The following TTYH1 variants were observed in gnomAD, a reference collection of about 807,000 sequenced individuals.
The protein encoded by TTYH1 is protein tweety homolog 1.
A neutral mutation model predicts 61.2 loss-of-function variants in TTYH1; 33 were observed. The ratio of observed to expected loss-of-function variants is 0.54; its 90% CI spans 0.41 to 0.72. TTYH1 has a LOEUF of 0.72. Ranked by LOEUF, TTYH1 falls within the 30% of genes least tolerant of loss-of-function variation. The pLI, the probability that TTYH1 is intolerant of heterozygous loss-of-function variation, is 0.00. For missense variants in TTYH1, 538 were observed against 575.8 expected, an observed-to-expected ratio of 0.93 and a Z score of 0.67; for synonymous variants, 308 against 266.4, an observed-to-expected ratio of 1.16 and a Z score of -1.52.
rs372543737 is a variant in TTYH1 at position 54,430,611 on chromosome 19, G to T, written c.939+6G>T. 6.2e-7 allele frequency: 1 copy of T among 1,613,798 alleles called. No individual in the cohort carries two copies. The highest frequency in any genetic ancestry group is 1.7e-5 in the Admixed American group (1 of 59,996). On this transcript the variant is annotated splice_donor_region_variant and intron_variant, in intron 8 of 13. Coordinates refer to ENST00000376530, the MANE Select transcript of TTYH1 (RefSeq NM_020659.4). The stretch of plus-strand genomic sequence containing the variant: ...TCTCCAACCCCTTCCAACAGGTTAG[G>T]GCTGCGGGCAGGGGAAACGGGTGTT...
At position 54,416,123 on chromosome 19, in the gene TTYH1, C is replaced by A. The variant is rs146083234; in HGVS notation, c.126+445C>A. ...GAGACAGCGGACCTGATAACGGTGG[C>A]GGGGAAAACGCTGGCTGCTGCGGTG... On this transcript the variant is annotated intron_variant, in intron 1 of 13. Transcript: ENST00000376530. The surrounding 1 kb of genome is among the most constrained non-coding windows in gnomAD (Gnocchi z 7.0). 3.5e-3 allele frequency: 4,380 copies of A among 1,263,566 alleles called. 48 individuals carry two copies. In the Middle Eastern group the frequency reaches 0.044, roughly 13 times the overall value. 78.3% of individuals were successfully genotyped at this position (1,263,566 alleles called of 1,614,324 possible).
intron 1 of TTYH1, among the ~76,000 whole-genome samples, chr19:54,417,269 G>T (rs971521888): frequency 2.7e-5 from 4 of 147,076 alleles, no homozygotes; most frequent in African/African-American, 1.0e-4. Context: ...GGCACACTCA[G>T]ACACACCCAC....
Position 54,430,495 on chromosome 19 carries a change from A to G in TTYH1, c.884-55A>G, listed in dbSNP as rs554668593. 8.8e-6 allele frequency: 14 copies of G among 1,588,816 alleles called. No homozygotes were observed. The South Asian group carries it at 1.1e-4, about 13-fold the overall frequency. Reference sequence around the variant, plus strand: ...CCCCAGTGCCCGGCCTTCCCCCGGGAGATCCCTGGGGGCCCAGGCTCATGG... The same window carrying G: ...CCCCAGTGCCCGGCCTTCCCCCGGGGGATCCCTGGGGGCCCAGGCTCATGG... On this transcript the variant is annotated intron_variant, in intron 7 of 13. Coordinates refer to ENST00000376530, the MANE Select transcript of TTYH1 (RefSeq NM_020659.4).
Position 54,426,754 on chromosome 19 carries a change from G to A in TTYH1, c.720G>A (p.Lys240=). ...TCCTGGGCCTGGCGAAGCAGAGCAA[G>A]TGGCTGGTGATCGTGTAAGTGCAGG... ...FTLLGLAKQS[K]WLVIVMTVMS... Residue 240 remains lysine (K), a synonymous_variant, in exon 5 of 14, where the codon AAG becomes AAA. Transcript: ENST00000376530. The A allele has an allele frequency of 2.5e-6, 4 of 1,613,978 alleles. No homozygotes were observed. Among genetic ancestry groups the A allele is most frequent in the Non-Finnish European group, 3.4e-6 (4 of 1,180,014 alleles).
intron 9 of TTYH1, 31 bp downstream of exon 9, chr19:54,430,936 GA>G: frequency 6.2e-7 from 1 of 1,605,024 alleles, no homozygotes; most frequent in South Asian, 1.1e-5. Context: ...CAGACACGCG[GA>G]CCCCACGGGG....
chr19:54,434,899 T>G lies in TTYH1; in HGVS notation c.1126-643T>G, dbSNP rs937351607. ...GCCGAGTTGCTGTTGGTTGTCACAC[T>G]GCAGGAGGGGGTGCTCCTGGCATCT... On this transcript the variant is annotated intron_variant, in intron 10 of 13. Transcript: ENST00000376530. This position sits in a 1 kb window ranked among gnomAD's most constrained non-coding sequence, Gnocchi z 4.3. The G allele has an allele frequency of 1.3e-5, 2 of 152,366 alleles. No homozygotes were observed. The highest frequency in any genetic ancestry group is 4.8e-5 in the African/African-American group (2 of 41,444). 9.4% of individuals were successfully genotyped at this position (152,366 alleles called of 1,614,324 possible).
Position 54,429,935 on chromosome 19 carries a change from G to A in TTYH1, c.861G>A (p.Gln287=), listed in dbSNP as rs200314043. The part of the protein sequence containing the change: ...NPDPYVLNLT[Q]EETGLSSDIL... ...ACCCTTATGTTCTGAACCTGACCCA[G>A]GAGGAGACAGGGCTCAGCTCAGGTG... Residue 287 remains glutamine (Q), a synonymous_variant, in exon 7 of 14, where the codon CAG becomes CAA. Transcript: ENST00000376530. This position sits in a 1 kb window ranked among gnomAD's most constrained non-coding sequence, Gnocchi z 5.1. 26 of 1,614,008 alleles carry A rather than the reference G, an allele frequency of 1.6e-5. No homozygotes were observed. The East Asian group carries it at 5.6e-4, about 35-fold the overall frequency.
intron 1 of TTYH1, among the ~76,000 whole-genome samples, chr19:54,417,737 T>C (rs1397248092): frequency 6.6e-6 from 1 of 151,310 alleles, no homozygotes; most frequent in African/African-American, 2.4e-5. Context: ...TGCACACACA[T>C]ATTGACTATA....
At chr19:54,422,478 G>A in intron 4 of TTYH1, 68 bp downstream of exon 4, 1 of 1,368,600 alleles carries the variant, frequency 7.3e-7, no homozygotes, top group Non-Finnish European at 9.8e-7. Flanking sequence ...GGGACAGTTG[G>A]CAATGCCTGG....
At chr19:54,426,081 C>T (rs1244658462) in intron 4 of TTYH1, among the ~76,000 whole-genome samples, 1 of 152,208 alleles carries the variant, frequency 6.6e-6, no homozygotes, top group African/African-American at 2.4e-5. Flanking sequence ...CTAAGTGTGT[C>T]CACGTGCTTG....
At chr19:54,430,727 G>A (rs2122933884) in intron 8 of TTYH1, 86 bp from the exon 9 acceptor site, 1 of 1,581,326 alleles carries the variant, frequency 6.3e-7, no homozygotes. Context: ...GCAGGCCAGG[G>A]GCCCGAGTGC....
At chr19:54,431,483 T>G in intron 10 of TTYH1, 2 of 466,544 alleles carry the variant, frequency 4.3e-6, no homozygotes, top group Admixed American at 4.0e-5. Context: ...CTGCCACCTT[T>G]TCCTTCCTTG....
In TTYH1 at chr19:54,416,088, T is replaced by A; in HGVS notation, c.126+410T>A. 1 of 1,303,818 alleles carries A rather than the reference T, an allele frequency of 7.7e-7. No individual in the cohort carries two copies. 80.8% of individuals were successfully genotyped at this position (1,303,818 alleles called of 1,614,324 possible). A position where few individuals can be genotyped will look rare whatever the true frequency, so the allele number is the denominator to read the frequency against. On this transcript the variant is annotated intron_variant, in intron 1 of 13. Transcript: ENST00000376530. This position sits in a 1 kb window ranked among gnomAD's most constrained non-coding sequence, Gnocchi z 7.0. ...GCAGGTGAATATGTCCCAGATAAGG[T>A]GGGACCCAGGAGACAGCGGACCTGA...
chr19:54,419,397 G>A lies in TTYH1; in HGVS notation c.305+91G>A. 3 of 1,363,460 alleles carry A rather than the reference G, an allele frequency of 2.2e-6. No homozygotes were observed. The highest frequency in any genetic ancestry group is 2.5e-5 in the South Asian group (2 of 81,514). The allele number at this position is 1,363,460 out of a possible 1,614,324, so 84.5% of individuals were successfully genotyped here. On this transcript the variant is annotated intron_variant, in intron 2 of 13. Transcript: ENST00000376530. The surrounding 1 kb of genome is among the most constrained non-coding windows in gnomAD (Gnocchi z 6.1). ...TGGGGGTGTCCTCCGGGGACATGGA[G>A]GAAGCAGACAGGAAGGAGGAAACTC... is the stretch of plus-strand genomic sequence containing the variant.
intron 5 of TTYH1, among the ~76,000 whole-genome samples, chr19:54,427,775 C>G (rs2083357738): frequency 6.6e-6 from 1 of 152,150 alleles, no homozygotes; most frequent in African/African-American, 2.4e-5. Context: ...CAAGACTGAG[C>G]CGTCCTTAAG....
rs544266204 is a variant in TTYH1 at position 54,431,339 on chromosome 19, C to A, written c.1125+148C>A. On this transcript the variant is annotated intron_variant, in intron 10 of 13. Coordinates refer to ENST00000376530, the MANE Select transcript of TTYH1 (RefSeq NM_020659.4). ...TTTATATGATTTATCTGTCCTATATCTATTCTCTACCTATTTATAACCTGT... is the reference window on the plus strand; with the variant it reads ...TTTATATGATTTATCTGTCCTATATATATTCTCTACCTATTTATAACCTGT... 1.3e-4 allele frequency: 81 copies of A among 624,798 alleles called. No homozygotes were observed. In the African/African-American group the frequency reaches 1.5e-3, roughly 11 times the overall value. The allele number at this position is 624,798 out of a possible 1,614,324, so 38.7% of individuals were successfully genotyped here.
chr19:54,425,231 C>T (rs571187060), intron 4 of TTYH1, among the ~76,000 whole-genome samples: 1 of 152,246 alleles, frequency 6.6e-6, no homozygotes, highest in East Asian at 1.9e-4. Flanking sequence ...TGGAAGTCAG[C>T]GGCGGGTCTG....
Position 54,420,817 on chromosome 19 carries a change from G to A in TTYH1, c.306-460G>A, listed in dbSNP as rs111624895. On this transcript the variant is annotated intron_variant, in intron 2 of 13. Transcript: ENST00000376530. This position sits in a 1 kb window ranked among gnomAD's most constrained non-coding sequence, Gnocchi z 4.8. ...CCCCCAGGAGGTGGGGGCGGAGAAC[G>A]TCTCAGCACTGAAGGGTTGGCACTG... The A allele has an allele frequency of 7.8e-5, 14 of 179,204 alleles. No homozygotes were observed. The highest frequency in any genetic ancestry group is 5.3e-4 in the Admixed American group (9 of 17,022). The allele number at this position is 179,204 out of a possible 1,614,324, so 11.1% of individuals were successfully genotyped here. A position where few individuals can be genotyped will look rare whatever the true frequency, so the allele number is the denominator to read the frequency against.
intron 10 of TTYH1, 59 bp downstream of exon 10, chr19:54,431,250 G>T: frequency 8.4e-7 from 1 of 1,185,510 alleles, no homozygotes; most frequent in Non-Finnish European, 1.3e-6. Flanking sequence ...TCGACCCACA[G>T]AACTACCTCC....
Sources: allele counts gnomAD v4.1 joint callset (sites outside exome capture counted in the v4.1 genomes callset), GRCh38; gene constraint gnomAD v4.1.1; non-coding constraint Gnocchi (gnomAD v3.1); transcripts MANE v1.5; gene names NCBI Gene and HGNC (gene_info 2026-07-23, HGNC 2026-07-21).